The following USP53 variants were observed in gnomAD, a reference collection of about 807,000 sequenced individuals.
USP53 encodes the protein ubiquitin specific peptidase 53.
Under a neutral mutation model 94.9 loss-of-function variants are expected in USP53, and 71 were observed. That is an observed-to-expected ratio of 0.75 (90% CI 0.62 to 0.91). USP53 has a LOEUF of 0.91. USP53 is among the 40% of genes least tolerant of loss of function. USP53 has a pLI of 0.00. For missense variants in USP53, 1,173 were observed against 1,281.0 expected, an observed-to-expected ratio of 0.92 and a Z score of 1.29; for synonymous variants, 375 against 422.7, an observed-to-expected ratio of 0.89 and a Z score of 1.39.
At chr4:119,240,962 A>G (rs527637032) in intron 5 of USP53, among the ~76,000 whole-genome samples, 3 of 152,324 alleles carry the variant, frequency 2.0e-5, no homozygotes, top group East Asian at 1.9e-4. Context: ...GTGGCACTGG[A>G]TATAGTGAAA....
chr4:119,280,738 G>A (rs1293441079), intron 17 of USP53, among the ~76,000 whole-genome samples: 1 of 152,186 alleles, frequency 6.6e-6, no homozygotes, highest in Non-Finnish European at 1.5e-5. Flanking sequence ...TTTGTTTCTT[G>A]CTGACAATAC....
chr4:119,281,686 T>TATAAAAACAC lies in USP53; in HGVS notation c.2251+7980_2251+7989dup, dbSNP rs1753523616. ...AAAATGATGCTTGCTTCCTGATAGT[T>TATAAAAACAC]ATAAAAACACAAGATCGTAGAGATT... On this transcript the variant is annotated intron_variant, in intron 17 of 18. Transcript: ENST00000692078. Among the ~76,000 whole-genome samples, 6 of 152,270 alleles carry TATAAAAACAC rather than the reference T, an allele frequency of 3.9e-5. No individual in the cohort carries two copies. In the South Asian group the frequency reaches 1.2e-3, roughly 32 times the overall value.
chr4:119,280,974 T>G (rs1753447160), intron 17 of USP53, among the ~76,000 whole-genome samples: 1 of 152,210 alleles, frequency 6.6e-6, no homozygotes, highest in Admixed American at 6.5e-5. Context: ...AAGTGCAATT[T>G]TACAGGTGCT....
At chr4:119,235,436 T>C (rs1347391634) in intron 4 of USP53, 25 bp downstream of exon 4, 1 of 141,978 alleles carries the variant, frequency 7.0e-6, no homozygotes, top group Non-Finnish European at 1.6e-5. Flanking sequence ...GCTTGGCTAA[T>C]TTTTTATTTT....
chr4:119,275,927 G>A (rs1561323794), intron 17 of USP53, among the ~76,000 whole-genome samples: 1 of 149,622 alleles, frequency 6.7e-6, no homozygotes, highest in Non-Finnish European at 1.5e-5. Flanking sequence ...AAGAATGCTT[G>A]TGATTTTTGT....
intron 6 of USP53, among the ~76,000 whole-genome samples, chr4:119,247,753 C>T (rs1334437458): frequency 1.3e-5 from 2 of 152,018 alleles, no homozygotes; most frequent in African/African-American, 4.8e-5. Context: ...TTAAACATTA[C>T]CTGGAAGTTA....
chr4:119,213,670 G>GTGTGTGTGTGTGTGTGTGTGTGTA (rs1553962030), intron 1 of USP53, among the ~76,000 whole-genome samples: 1,949 of 119,168 alleles, frequency 0.016, 21 homozygotes, highest in South Asian at 0.025. Flanking sequence ...ATGTGTGTGT[G>GTGTGTGTGTGTGTGTGTGTGTGTA]TGTATGTATG....
At chr4:119,261,024 A>G (rs897085382) in intron 11 of USP53, among the ~76,000 whole-genome samples, 2 of 133,358 alleles carry the variant, frequency 1.5e-5, no homozygotes, top group African/African-American at 2.9e-5. Context: ...CAGTGGTGCA[A>G]TCTTGGCTCA....
Position 119,293,292 on chromosome 4 carries a change from C to A in USP53, c.*81C>A. ...TGAACAAAGATATAAACCTAGCATA[C>A]ATTGTAATAGATAACTGGTAAAACT... On this transcript the variant is annotated 3_prime_UTR_variant, in exon 19 of 19. Coordinates refer to ENST00000692078, the MANE Select transcript of USP53 (RefSeq NM_001371395.1). 2 of 1,452,236 alleles carry A rather than the reference C, an allele frequency of 1.4e-6. No homozygotes were observed. The highest frequency in any genetic ancestry group is 1.8e-6 in the Non-Finnish European group (2 of 1,095,768). The allele number at this position is 1,452,236 out of a possible 1,614,324, so 90.0% of individuals were successfully genotyped here.
At chr4:119,272,349 T>C in intron 16 of USP53, 1 of 199,874 alleles carries the variant, frequency 5.0e-6, no homozygotes, top group South Asian at 1.1e-4. Context: ...TGTCAACAAT[T>C]GATTGGTTTT....
chr4:119,271,917 C>G lies in USP53; in HGVS notation c.2057C>G (p.Ser686Cys). The change falls in exon 16 of 19, where the codon TCT (serine) becomes TGT (cysteine). Residue 686 changes from serine (S) to cysteine (C), a missense_variant. Ser to Cys is a moderately radical substitution (Grantham distance 112). Coordinates refer to ENST00000692078, the MANE Select transcript of USP53 (RefSeq NM_001371395.1). ...AATTGGCAGATGCAAAGGACTGAGT[C>G]TGGATATGAAAGCAGTGATCACATC... ...GDNWQMQRTE[S>C]GYESSDHISN... The G allele has an allele frequency of 6.2e-7, 1 of 1,614,104 alleles. No individual in the cohort carries two copies. The highest frequency in any genetic ancestry group is 8.5e-7 in the Non-Finnish European group (1 of 1,180,008).
At chr4:119,261,415 C>T (rs1259116458) in intron 11 of USP53, among the ~76,000 whole-genome samples, 1 of 152,166 alleles carries the variant, frequency 6.6e-6, no homozygotes, top group Non-Finnish European at 1.5e-5. Context: ...GAATTTATCT[C>T]ATATTTTGAA....
chr4:119,229,716 C>T (rs1405635438), intron 3 of USP53, among the ~76,000 whole-genome samples: 2 of 152,146 alleles, frequency 1.3e-5, no homozygotes, highest in Non-Finnish European at 2.9e-5. Flanking sequence ...CATTCCTTCA[C>T]CAGCCTCCCA....
chr4:119,267,204 A>G lies in USP53; in HGVS notation c.973-116A>G, dbSNP rs897463711. ...TTATATGATACATACTTGAACTACT[A>G]GCAGCTGCATATCTAAATTTTTTAA... On this transcript the variant is annotated intron_variant, in intron 12 of 18. Transcript: ENST00000692078. 4 of 784,926 alleles carry G rather than the reference A, an allele frequency of 5.1e-6. No homozygotes were observed. In the African/African-American group the frequency reaches 5.3e-5, roughly 10 times the overall value. 48.6% of individuals were successfully genotyped at this position (784,926 alleles called of 1,614,324 possible).
At chr4:119,267,533 C>G (rs1426935396) in intron 13 of USP53, 51 bp downstream of exon 13, 2 of 1,530,028 alleles carry the variant, frequency 1.3e-6, no homozygotes, top group African/African-American at 2.8e-5. Flanking sequence ...TCACAGTCAA[C>G]TAGGAATACT....
Position 119,265,165 on chromosome 4 carries a change from G to A in USP53, c.973-2155G>A, listed in dbSNP as rs894915744. On this transcript the variant is annotated intron_variant, in intron 12 of 18. Coordinates refer to ENST00000692078, the MANE Select transcript of USP53 (RefSeq NM_001371395.1). The stretch of plus-strand genomic sequence containing the variant: ...GTACAAGGTAAGATTTTGGGGTGAG[G>A]ATTACACAATTGTATTGTCAAAACT... Among the ~76,000 whole-genome samples, 6 of 151,880 alleles carry A rather than the reference G, an allele frequency of 4.0e-5. No homozygotes were observed. In the South Asian group the frequency reaches 1.2e-3, roughly 32 times the overall value.
At chr4:119,274,244 C>A (rs192409631) in intron 17 of USP53, among the ~76,000 whole-genome samples, 2,509 of 114,520 alleles carry the variant, frequency 0.022, 70 homozygotes, top group African/African-American at 0.079. Context: ...CTATCCCTCC[C>A]CCCTCCCCCC....
intron 13 of USP53, among the ~76,000 whole-genome samples, chr4:119,267,896 G>A (rs35137697): frequency 0.1 from 15,956 of 152,192 alleles, 944 homozygotes; most frequent in Non-Finnish European, 0.13. Context: ...GGCCGGGCGC[G>A]GTGGCTCACG....
At chr4:119,272,166 A>C in intron 16 of USP53, 132 bp downstream of exon 16, 5 of 930,560 alleles carry the variant, frequency 5.4e-6, no homozygotes, top group Non-Finnish European at 7.6e-6. Context: ...AGCTTTAAAA[A>C]GTTTGTTTCT....
Sources: gnomAD v4.1 joint callset for allele counts (sites outside exome capture counted in the v4.1 genomes callset) on GRCh38, gnomAD v4.1.1 for gene constraint, MANE v1.5 for transcripts, NCBI Gene and HGNC (gene_info 2026-07-23, HGNC 2026-07-21) for gene names.